CWF19L2: variants seen among roughly 807,000 people sequenced by gnomAD.
CWF19L2 encodes the protein CWF19 like cell cycle control factor 2, also known as CWF19-like protein 2.
Under a neutral mutation model 111.7 loss-of-function variants are expected in CWF19L2, and 98 were observed. The ratio of observed to expected loss-of-function variants is 0.88; its 90% CI spans 0.75 to 1.04. The LOEUF is 1.04. Ranked by LOEUF, CWF19L2 falls within the 50% of genes least tolerant of loss-of-function variation. CWF19L2 has a pLI of 0.00. For synonymous variants in CWF19L2, 351 were observed against 342.9 expected (o/e 1.02, Z -0.26); for missense variants, 1,101 against 1,051.4 (o/e 1.05, Z -0.65).
At chr11:107,428,778 G>C in intron 8 of CWF19L2, 21 bp downstream of exon 8, 7 of 1,561,854 alleles carry the variant, frequency 4.5e-6, no homozygotes, top group South Asian at 1.2e-5. Context: ...TAACTTATTA[G>C]GTTAAAAAAT....
chr11:107,397,668 C>G (rs187693910), intron 10 of CWF19L2, among the ~76,000 whole-genome samples: 1 of 152,098 alleles, frequency 6.6e-6, no homozygotes, highest in Non-Finnish European at 1.5e-5. Flanking sequence ...CCTACTACAG[C>G]TGATGCTCTC....
intron 12 of CWF19L2, among the ~76,000 whole-genome samples, chr11:107,358,234 T>C (rs1020323300): frequency 4.6e-5 from 7 of 152,064 alleles, no homozygotes; most frequent in African/African-American, 1.7e-4. Flanking sequence ...ATTAAACATA[T>C]GGCTTACCAC....
At position 107,330,148 on chromosome 11, in the gene CWF19L2, C is replaced by T. The variant is rs1277183063; in HGVS notation, c.2440-129G>A. 1.2e-5 allele frequency: 6 copies of T among 498,346 alleles called. No homozygotes were observed. The East Asian group carries it at 1.7e-4, about 14-fold the overall frequency. 30.9% of individuals were successfully genotyped at this position (498,346 alleles called of 1,614,324 possible). A position where few individuals can be genotyped will look rare whatever the true frequency, so the allele number is the denominator to read the frequency against. Reference sequence around the variant, plus strand: ...CAAGACAAATGTATAAAATGAATTTCCAGTTCTAGAGATATTTAAACAATG... The same window carrying T: ...CAAGACAAATGTATAAAATGAATTTTCAGTTCTAGAGATATTTAAACAATG... On this transcript the variant is annotated intron_variant, in intron 16 of 17. Transcript: ENST00000282251.
rs373247470 is a variant in CWF19L2 at position 107,404,361 on chromosome 11, T to C, written c.1618-11466A>G. The C allele has an allele frequency of 1.8e-4, 146 of 789,790 alleles. No individual in the cohort carries two copies. In the East Asian group the frequency reaches 2.6e-3, roughly 14 times the overall value. 48.9% of individuals were successfully genotyped at this position (789,790 alleles called of 1,614,324 possible). On this transcript the variant is annotated intron_variant, in intron 10 of 17. Coordinates refer to ENST00000282251, the MANE Select transcript of CWF19L2 (RefSeq NM_152434.3). ...TTTACTTGGTCCCAGACCTTTCAGC[T>C]GTACCTCATGTAGGGCATCAGCAGC...
chr11:107,342,423 C>T (rs1860017739), intron 14 of CWF19L2, among the ~76,000 whole-genome samples: 1 of 151,862 alleles, frequency 6.6e-6, no homozygotes, highest in Admixed American at 6.6e-5. Context: ...CCATAATACA[C>T]TATTGAAGTG....
At chr11:107,394,927 C>T (rs1340917750) in intron 10 of CWF19L2, among the ~76,000 whole-genome samples, 1 of 152,196 alleles carries the variant, frequency 6.6e-6, no homozygotes, top group East Asian at 1.9e-4. Flanking sequence ...ATCAATACCA[C>T]TGCAAGTATG....
At chr11:107,387,928 A>G (rs1860794378) in intron 12 of CWF19L2, among the ~76,000 whole-genome samples, 1 of 151,862 alleles carries the variant, frequency 6.6e-6, no homozygotes, top group South Asian at 2.1e-4. Flanking sequence ...TATGTCTCCT[A>G]TCTCATCTCA....
chr11:107,336,081 C>T (rs562868851), intron 15 of CWF19L2, among the ~76,000 whole-genome samples: 3 of 152,106 alleles, frequency 2.0e-5, no homozygotes, highest in African/African-American at 7.2e-5. Context: ...ATTAGCTGGG[C>T]GTAGTGGTGC....
intron 10 of CWF19L2, among the ~76,000 whole-genome samples, chr11:107,414,622 T>C (rs1490676659): frequency 6.6e-6 from 1 of 152,088 alleles, no homozygotes; most frequent in Non-Finnish European, 1.5e-5. Flanking sequence ...AAACTCTCAA[T>C]ATATCCAAAA....
chr11:107,450,887 G>A (rs1432195637), intron 3 of CWF19L2, among the ~76,000 whole-genome samples: 1 of 152,032 alleles, frequency 6.6e-6, no homozygotes, highest in Non-Finnish European at 1.5e-5. Context: ...AGCAGAAATA[G>A]GTAAAATCCA....
At chr11:107,409,709 A>G (rs187101847) in intron 10 of CWF19L2, among the ~76,000 whole-genome samples, 2 of 152,254 alleles carry the variant, frequency 1.3e-5, no homozygotes, top group Admixed American at 6.5e-5. Context: ...CTCATCACTC[A>G]GTGTTCAAGC....
chr11:107,407,718 T>C (rs1219233014), intron 10 of CWF19L2, among the ~76,000 whole-genome samples: 1 of 152,002 alleles, frequency 6.6e-6, no homozygotes, highest in East Asian at 1.9e-4. Context: ...TTTGAGATAG[T>C]CTATGACATA....
At chr11:107,358,368 A>G (rs1041361591) in intron 12 of CWF19L2, among the ~76,000 whole-genome samples, 2 of 152,130 alleles carry the variant, frequency 1.3e-5, no homozygotes, top group Admixed American at 6.5e-5. Flanking sequence ...AAATCACAAA[A>G]AGCTCGTAAT....
chr11:107,409,150 T>C (rs997989598), intron 10 of CWF19L2, among the ~76,000 whole-genome samples: 1 of 149,410 alleles, frequency 6.7e-6, no homozygotes, highest in African/African-American at 2.5e-5. Flanking sequence ...ATCACACCAA[T>C]GACAAGTGAA....
intron 15 of CWF19L2, among the ~76,000 whole-genome samples, chr11:107,336,339 G>GT (rs1463550080): frequency 2.6e-5 from 4 of 151,988 alleles, no homozygotes; most frequent in African/African-American, 9.7e-5. Context: ...TGAAGATGGG[G>GT]TTTTATCATG....
intron 3 of CWF19L2, among the ~76,000 whole-genome samples, chr11:107,452,791 G>C (rs1861795545): frequency 6.6e-6 from 1 of 152,140 alleles, no homozygotes; most frequent in African/African-American, 2.4e-5. Context: ...AGGAGTTCGA[G>C]ACCAGCCTCG....
Position 107,437,292 on chromosome 11 carries a change from G to GA in CWF19L2, c.664+1797dup, listed in dbSNP as rs1442617846. Among the ~76,000 whole-genome samples, 4 of 152,266 alleles carry GA rather than the reference G, an allele frequency of 2.6e-5. No individual in the cohort carries two copies. In the South Asian group the frequency reaches 8.3e-4, roughly 32 times the overall value. ...GAATAAATTGGGCTCTGAGAGGCCA[G>GA]AAAATGTCTCCACAATTATGAAGCT... On this transcript the variant is annotated intron_variant, in intron 6 of 17. Coordinates refer to ENST00000282251, the MANE Select transcript of CWF19L2 (RefSeq NM_152434.3).
intron 14 of CWF19L2, among the ~76,000 whole-genome samples, chr11:107,340,824 A>G (rs2134531336): frequency 6.6e-6 from 1 of 152,300 alleles, no homozygotes; most frequent in African/African-American, 2.4e-5. Context: ...AACATGATAT[A>G]TCTACATTTA....
chr11:107,363,397 GA>G (rs1383902932), intron 12 of CWF19L2, among the ~76,000 whole-genome samples: 3 of 152,030 alleles, frequency 2.0e-5, no homozygotes, highest in African/African-American at 4.8e-5. Flanking sequence ...TGAAATGAAG[GA>G]AAAATGTTAA....
Sources: gnomAD v4.1 joint callset for allele counts (sites outside exome capture counted in the v4.1 genomes callset) on GRCh38, gnomAD v4.1.1 for gene constraint, MANE v1.5 for transcripts, NCBI Gene and HGNC (gene_info 2026-07-23, HGNC 2026-07-21) for gene names.